Variants in SPATA16 observed in about 807,000 individuals in gnomAD.
SPATA16 encodes the protein spermatogenesis-associated protein 16.
A neutral mutation model predicts 63.3 loss-of-function variants in SPATA16; 36 were observed. That is an observed-to-expected ratio of 0.57 (90% CI 0.44 to 0.75). The LOEUF (loss-of-function observed/expected upper bound fraction) is 0.75. Among genes scored for constraint, SPATA16 ranks in the 30% least tolerant of loss-of-function variants. The pLI is 0.00. For synonymous variants in SPATA16, 203 were observed against 216.7 expected (o/e 0.94, Z 0.56); for missense variants, 646 against 679.3 (o/e 0.95, Z 0.54).
chr3:172,944,920 A>G (rs1218980096), intron 6 of SPATA16, among the ~76,000 whole-genome samples: 4 of 152,230 alleles, frequency 2.6e-5, no homozygotes, highest in African/African-American at 9.6e-5. Context: ...TGGTTGCACA[A>G]TAATGCGAAT....
At chr3:172,981,839 A>G (rs1734326764) in intron 4 of SPATA16, among the ~76,000 whole-genome samples, 1 of 152,200 alleles carries the variant, frequency 6.6e-6, no homozygotes, top group South Asian at 2.1e-4. Context: ...TTTATAAATA[A>G]CGTGTTAACG....
chr3:172,899,879 C>T (rs946957878), intron 10 of SPATA16, among the ~76,000 whole-genome samples: 1 of 152,078 alleles, frequency 6.6e-6, no homozygotes, highest in Non-Finnish European at 1.5e-5. Context: ...TGCTTTGTCT[C>T]TTCACCCTCT....
intron 6 of SPATA16, among the ~76,000 whole-genome samples, chr3:172,933,414 T>C (rs2109589544): frequency 6.6e-6 from 1 of 152,290 alleles, no homozygotes; most frequent in African/African-American, 2.4e-5. Flanking sequence ...CATAAGCATA[T>C]GATGCAGTTT....
rs577611689 is a variant in SPATA16 at position 172,935,316 on chromosome 3, T to C, written c.1082-9824A>G. On this transcript the variant is annotated intron_variant, in intron 6 of 10. Coordinates refer to ENST00000351008, the MANE Select transcript of SPATA16 (RefSeq NM_031955.6). ...GCGAATAGCCACTCAAAAATAGCCA[T>C]TGTTTGAGACCCCATCTCAAACAAA... Among the ~76,000 whole-genome samples, 290 of 152,252 alleles carry C rather than the reference T, an allele frequency of 1.9e-3. 1 individual carries two copies. Among genetic ancestry groups the C allele is most frequent in the Non-Finnish European group, 3.4e-3 (229 of 68,016 alleles).
chr3:172,901,919 A>G (rs932663228), intron 10 of SPATA16, among the ~76,000 whole-genome samples: 2 of 152,178 alleles, frequency 1.3e-5, no homozygotes, highest in Non-Finnish European at 2.9e-5. Context: ...CTCCAACACC[A>G]TACCAGCAAG....
At chr3:172,952,955 A>G (rs958811877) in intron 6 of SPATA16, among the ~76,000 whole-genome samples, 63 of 151,670 alleles carry the variant, frequency 4.2e-4, no homozygotes, top group African/African-American at 1.3e-3. Flanking sequence ...AAAAAAAAAA[A>G]AAAAAGAAAA....
At chr3:173,028,804 T>C (rs1735530333) in intron 3 of SPATA16, among the ~76,000 whole-genome samples, 1 of 152,064 alleles carries the variant, frequency 6.6e-6, no homozygotes, top group Non-Finnish European at 1.5e-5. Flanking sequence ...GCCTTCACCA[T>C]ATAGTCCCTT....
At chr3:173,027,857 C>T (rs1735487104) in intron 3 of SPATA16, among the ~76,000 whole-genome samples, 1 of 151,932 alleles carries the variant, frequency 6.6e-6, no homozygotes, top group Non-Finnish European at 1.5e-5. Flanking sequence ...ACTTCTCAAT[C>T]AGAAGCTATG....
chr3:172,992,311 G>T (rs1398274918), intron 4 of SPATA16, among the ~76,000 whole-genome samples: 3 of 151,966 alleles, frequency 2.0e-5, no homozygotes, highest in African/African-American at 7.3e-5. Context: ...AGTAATTTTG[G>T]AAAGCAATAA....
At chr3:172,992,066 G>C (rs951166925) in intron 4 of SPATA16, among the ~76,000 whole-genome samples, 2 of 152,168 alleles carry the variant, frequency 1.3e-5, no homozygotes, top group Middle Eastern at 6.8e-3. Flanking sequence ...CTAGTTAATG[G>C]TATGGGCGTT....
At chr3:173,043,493 T>C (rs1377626488) in intron 3 of SPATA16, among the ~76,000 whole-genome samples, 1 of 151,956 alleles carries the variant, frequency 6.6e-6, no homozygotes, top group South Asian at 2.1e-4. Flanking sequence ...CTTATTATTA[T>C]TTTTAATTTA....
rs749584380 is a variant in SPATA16, at chr3:172,889,593, G to A, written c.1687C>T (p.Leu563Phe). ...ARRQKTKMKR[L>F]QTVQQR ...GACTACCTTTGCTGAACAGTTTGAA[G>A]TCGCTTCATTTTTGTTTTTTGCCTT... is the stretch of plus-strand genomic sequence containing the variant. The change falls in exon 11 of 11, where the codon CTT (leucine) becomes TTT (phenylalanine). Residue 563 changes from leucine (L) to phenylalanine (F), a missense_variant. Physicochemically the swap from Leu to Phe is conservative, Grantham distance 22. Transcript: ENST00000351008. The A allele has an allele frequency of 1.2e-6, 2 of 1,613,794 alleles. No individual in the cohort carries two copies. Among genetic ancestry groups the A allele is most frequent in the Non-Finnish European group, 8.5e-7 (1 of 1,179,844 alleles).
intron 2 of SPATA16, among the ~76,000 whole-genome samples, chr3:173,113,610 A>G (rs1267664916): frequency 6.6e-6 from 1 of 152,242 alleles, no homozygotes; most frequent in Non-Finnish European, 1.5e-5. Flanking sequence ...ATAAAATGTT[A>G]TCATAAATTT....
chr3:172,955,309 GAAA>G (rs1733542727), intron 6 of SPATA16, among the ~76,000 whole-genome samples: 1 of 152,074 alleles, frequency 6.6e-6, no homozygotes, highest in South Asian at 2.1e-4. Context: ...AGTGGAAATG[GAAA>G]TAGCTGAATC....
intron 1 of SPATA16, among the ~76,000 whole-genome samples, chr3:173,127,995 G>C (rs1738271216): frequency 6.6e-6 from 1 of 152,116 alleles, no homozygotes; most frequent in African/African-American, 2.4e-5. Flanking sequence ...CAGATGGAGG[G>C]CTAGTCACCA....
chr3:172,892,518 G>A (rs1731912269), intron 10 of SPATA16, among the ~76,000 whole-genome samples: 1 of 152,176 alleles, frequency 6.6e-6, no homozygotes, highest in South Asian at 2.1e-4. Flanking sequence ...TTAGATAAAT[G>A]ACACGATATG....
chr3:173,036,088 G>A (rs2108286859), intron 3 of SPATA16, among the ~76,000 whole-genome samples: 1 of 152,050 alleles, frequency 6.6e-6, no homozygotes, highest in African/African-American at 2.4e-5. Context: ...TTGGGGAAAA[G>A]CACTTCTGCA....
chr3:172,926,710 C>T (rs539121648), intron 6 of SPATA16, among the ~76,000 whole-genome samples: 18 of 152,250 alleles, frequency 1.2e-4, no homozygotes, highest in African/African-American at 4.3e-4. Flanking sequence ...TACAAACATA[C>T]CCAAGATCAC....
At chr3:173,005,981 G>C (rs781341330) in intron 4 of SPATA16, among the ~76,000 whole-genome samples, 3 of 152,056 alleles carry the variant, frequency 2.0e-5, no homozygotes, top group Non-Finnish European at 4.4e-5. Context: ...GAGAAGAGAT[G>C]ACTATAAACT....
Sources: allele counts gnomAD v4.1 joint callset (sites outside exome capture counted in the v4.1 genomes callset), GRCh38; gene constraint gnomAD v4.1.1; transcripts MANE v1.5; gene names NCBI Gene and HGNC (gene_info 2026-07-23, HGNC 2026-07-21).